The following NUP160 variants were observed in gnomAD, a reference collection of about 807,000 sequenced individuals.
NUP160 encodes the protein nuclear pore complex protein Nup160.
A neutral mutation model predicts 196.9 loss-of-function variants in NUP160; 94 were observed. The ratio of observed to expected loss-of-function variants is 0.48; its 90% CI spans 0.40 to 0.57. The LOEUF (loss-of-function observed/expected upper bound fraction) is 0.57, where lower values mean the gene tolerates loss of function less well. NUP160 is among the 20% of genes least tolerant of loss of function. The pLI is 0.00. For synonymous variants in NUP160, 605 were observed against 619.7 expected (o/e 0.98, Z 0.35); for missense variants, 1,638 against 1,748.3 (o/e 0.94, Z 1.13).
At chr11:47,833,179 C>T (rs1349958875) in intron 7 of NUP160, among the ~76,000 whole-genome samples, 1 of 152,078 alleles carries the variant, frequency 6.6e-6, no homozygotes, top group Non-Finnish European at 1.5e-5. Context: ...ATAGGCTGGG[C>T]GTGGTGGCTC....
intron 2 of NUP160, among the ~76,000 whole-genome samples, chr11:47,846,781 C>CT (rs1436590857): frequency 6.6e-6 from 1 of 152,174 alleles, no homozygotes; most frequent in African/African-American, 2.4e-5. Flanking sequence ...TTCAGGGGTA[C>CT]ATGTGCAGGT....
intron 20 of NUP160, among the ~76,000 whole-genome samples, chr11:47,805,182 T>A (rs1599319707): frequency 6.6e-6 from 1 of 151,464 alleles, no homozygotes; most frequent in Non-Finnish European, 1.5e-5. Context: ...AGGGCTGGAG[T>A]GCAGGGGCAT....
At chr11:47,815,304 T>C (rs2097683743) in intron 13 of NUP160, 175 bp downstream of exon 13, 2 of 430,226 alleles carry the variant, frequency 4.6e-6, no homozygotes, top group Non-Finnish European at 4.1e-6. Flanking sequence ...TTTAAATGAA[T>C]GAATCACAAT....
At chr11:47,808,299 C>A (rs2135370455) in intron 18 of NUP160, 97 bp downstream of exon 18, 1 of 1,248,440 alleles carries the variant, frequency 8.0e-7, no homozygotes. Flanking sequence ...AAAACAAAAA[C>A]AAAAACAAAA....
chr11:47,804,294 A>C (rs1304603598), intron 21 of NUP160: 1 of 373,580 alleles, frequency 2.7e-6, no homozygotes. Context: ...TTTCTTTAAA[A>C]GCCTTTAGAA....
chr11:47,798,146 C>A, intron 25 of NUP160, 22 bp downstream of exon 25: 1 of 1,589,368 alleles, frequency 6.3e-7, no homozygotes, highest in Non-Finnish European at 8.6e-7. Context: ...ATTGTCTTCT[C>A]TAAAAAAGGC....
At chr11:47,804,688 T>C in intron 20 of NUP160, 70 bp from the exon 21 acceptor site, 1 of 1,035,262 alleles carries the variant, frequency 9.7e-7, no homozygotes. Context: ...GGGCATCAAA[T>C]TCAGAAAAGT....
At chr11:47,808,830 G>A (rs2097679276) in intron 17 of NUP160, among the ~76,000 whole-genome samples, 1 of 152,152 alleles carries the variant, frequency 6.6e-6, no homozygotes, top group Non-Finnish European at 1.5e-5. Flanking sequence ...GCCAGGCACA[G>A]TGGCTCACAC....
At chr11:47,812,835 A>T in intron 15 of NUP160, 47 bp downstream of exon 15, 1 of 1,536,614 alleles carries the variant, frequency 6.5e-7, no homozygotes, top group Middle Eastern at 1.7e-4. Flanking sequence ...GGCGCTAAAA[A>T]TGCTGAATTT....
intron 17 of NUP160, among the ~76,000 whole-genome samples, chr11:47,810,065 A>C (rs956009335): frequency 6.6e-6 from 1 of 152,158 alleles, no homozygotes; most frequent in Non-Finnish European, 1.5e-5. Flanking sequence ...TAATTTAAAA[A>C]ACAAAAAACC....
At chr11:47,818,575 A>G (rs1025069977) in intron 10 of NUP160, among the ~76,000 whole-genome samples, 2 of 152,162 alleles carry the variant, frequency 1.3e-5, no homozygotes, top group African/African-American at 4.8e-5. Flanking sequence ...AAACAGCAAT[A>G]AACTCTCACA....
intron 24 of NUP160, 22 bp downstream of exon 24, chr11:47,798,346 C>T (rs770782948): frequency 6.3e-7 from 1 of 1,579,610 alleles, no homozygotes; most frequent in South Asian, 1.1e-5. Context: ...AAGAAAACAA[C>T]CAAATTGCAG....
chr11:47,782,289 TAAA>T (rs1164772188), intron 34 of NUP160, among the ~76,000 whole-genome samples: 548 of 31,282 alleles, frequency 0.018, 8 homozygotes, highest in East Asian at 0.063. Flanking sequence ...AAAACTCAGT[TAAA>T]AAAAAAAAAA....
chr11:47,807,241 T>C lies in NUP160; in HGVS notation c.2376-101A>G, dbSNP rs2097678259. ...GAACACTGTCAATTTAATTAATAAA[T>C]TGCACATAAAAGCTCCACTGAAAGC... On this transcript the variant is annotated intron_variant, in intron 18 of 35. Transcript: ENST00000378460. The C allele has an allele frequency of 8.3e-6, 6 of 726,262 alleles. No homozygotes were observed. The South Asian group carries it at 9.0e-5, about 11-fold the overall frequency. 45.0% of individuals were successfully genotyped at this position (726,262 alleles called of 1,614,324 possible).
chr11:47,831,188 A>AC (rs1852066348), intron 7 of NUP160, among the ~76,000 whole-genome samples: 9 of 151,310 alleles, frequency 5.9e-5, no homozygotes, highest in Admixed American at 1.3e-4. Context: ...AACAACAACA[A>AC]AAAAGCAAAT....
intron 20 of NUP160, among the ~76,000 whole-genome samples, chr11:47,805,080 A>G (rs1040635212): frequency 1.1e-4 from 16 of 152,152 alleles, no homozygotes; most frequent in African/African-American, 3.9e-4. Flanking sequence ...CATCCAGCAC[A>G]TAACATGGTA....
At chr11:47,812,160 A>G (rs776218552) in exon 17 of NUP160, 1 of 1,614,070 alleles carries the variant, frequency 6.2e-7, no homozygotes, top group Non-Finnish European at 8.5e-7. Context: ...CTCTGCACAC[A>G]ATATACCCTG....
chr11:47,822,732 A>C (rs1052098415), intron 7 of NUP160, among the ~76,000 whole-genome samples: 1 of 151,850 alleles, frequency 6.6e-6, no homozygotes, highest in Non-Finnish European at 1.5e-5. Flanking sequence ...CCCCTACCCC[A>C]CGACAGGTGC....
intron 8 of NUP160, 102 bp from the exon 9 acceptor site, chr11:47,821,923 A>T (rs1851866483): frequency 9.6e-7 from 1 of 1,040,070 alleles, no homozygotes; most frequent in Admixed American, 2.0e-5. Flanking sequence ...GTATGAAAAC[A>T]AAACATGGTA....
Sources: gnomAD v4.1 joint callset for allele counts (sites outside exome capture counted in the v4.1 genomes callset) on GRCh38, gnomAD v4.1.1 for gene constraint, MANE v1.5 for transcripts, NCBI Gene and HGNC (gene_info 2026-07-23, HGNC 2026-07-21) for gene names.